The following WDR1 variants were observed in gnomAD, a reference collection of about 807,000 sequenced individuals.
WDR1 encodes the protein WD repeat-containing protein 1.
Under a neutral mutation model 71.9 loss-of-function variants are expected in WDR1, and 21 were observed. The observed-to-expected ratio is 0.29, with a 90% CI of 0.21 to 0.42. WDR1 has a LOEUF of 0.42. Among genes scored for constraint, WDR1 ranks in the 10% least tolerant of loss-of-function variants. The pLI, the probability that WDR1 is intolerant of heterozygous loss-of-function variation, is 1.00. For missense variants in WDR1, 696 were observed against 824.5 expected, an observed-to-expected ratio of 0.84 and a Z score of 1.91; for synonymous variants, 424 against 347.4, an observed-to-expected ratio of 1.22 and a Z score of -2.45.
chr4:10,086,136 C>T (rs188033635), intron 8 of WDR1, among the ~76,000 whole-genome samples: 3 of 152,268 alleles, frequency 2.0e-5, no homozygotes, highest in East Asian at 3.9e-4. Context: ...TGGGCAGTAG[C>T]GAAGCCTTAC....
At chr4:10,099,928 C>A (rs550798117) in intron 3 of WDR1, among the ~76,000 whole-genome samples, 1 of 152,196 alleles carries the variant, frequency 6.6e-6, no homozygotes, top group African/African-American at 2.4e-5. Context: ...AGAAGCAACA[C>A]CGGGGGCCAC....
At chr4:10,103,291 C>CACACACACACACAG in intron 3 of WDR1, among the ~76,000 whole-genome samples, 1 of 6,582 alleles carries the variant, frequency 1.5e-4, no homozygotes, top group African/African-American at 1.1e-3. Context: ...CACACACAGA[C>CACACACACACACAG]ACACACACAC....
chr4:10,083,489 C>T (rs1765093707), intron 9 of WDR1: 3 of 527,828 alleles, frequency 5.7e-6, no homozygotes, highest in Non-Finnish European at 3.7e-6. Context: ...AGGCGCAACC[C>T]TCTAACCCCA....
intron 3 of WDR1, among the ~76,000 whole-genome samples, chr4:10,101,840 T>G (rs188921613): frequency 1.2e-4 from 19 of 152,378 alleles, no homozygotes; most frequent in Non-Finnish European, 2.4e-4. Context: ...TTCGGCTCCA[T>G]GTTAAACATG....
At chr4:10,092,847 C>T (rs1712087462) in intron 5 of WDR1, 2 of 379,232 alleles carry the variant, frequency 5.3e-6, no homozygotes, top group Non-Finnish European at 1.1e-5. Context: ...GGCCCCCTGC[C>T]TCTGCCCCAC....
At chr4:10,079,575 G>A (rs933136511) in intron 11 of WDR1, among the ~76,000 whole-genome samples, 2 of 152,228 alleles carry the variant, frequency 1.3e-5, no homozygotes, top group African/African-American at 4.8e-5. Context: ...AGGCTCTGCA[G>A]CGGGGGCCTT....
intron 9 of WDR1, chr4:10,083,684 C>A: frequency 2.2e-6 from 1 of 464,186 alleles, no homozygotes. Flanking sequence ...CAACGCACAG[C>A]AGGTGCCATC....
At position 10,081,346 on chromosome 4, in the gene WDR1, C is replaced by G; in HGVS notation, c.1284+11G>C. The stretch of plus-strand genomic sequence containing the variant: ...GCAGGCTCCCACCCAAACACTAAGC[C>G]AGGTCCCTACCTGTCCAATGCACAC... On this transcript the variant is annotated intron_variant, in intron 11 of 14. Coordinates refer to ENST00000499869, the MANE Select transcript of WDR1 (RefSeq NM_017491.5). 6.2e-7 allele frequency: 1 copy of G among 1,613,410 alleles called. No individual in the cohort carries two copies. Among genetic ancestry groups the G allele is most frequent in the East Asian group, 2.2e-5 (1 of 44,880 alleles).
At chr4:10,114,593 T>C (rs1314715527) in intron 2 of WDR1, among the ~76,000 whole-genome samples, 1 of 152,246 alleles carries the variant, frequency 6.6e-6, no homozygotes, top group African/African-American at 2.4e-5. Context: ...CTGCTCTGTA[T>C]CCGAGGACGT....
chr4:10,107,756 C>T (rs1478412705), intron 2 of WDR1, among the ~76,000 whole-genome samples: 3 of 152,140 alleles, frequency 2.0e-5, no homozygotes, highest in Non-Finnish European at 4.4e-5. Flanking sequence ...CCTCTGAGGA[C>T]ATGAAGGACA....
rs1003049956 is a variant in WDR1, at chr4:10,116,774, G to T, written c.-108C>A. 1.2e-5 allele frequency: 14 copies of T among 1,216,634 alleles called. No individual in the cohort carries two copies. Among genetic ancestry groups the T allele is most frequent in the Non-Finnish European group, 1.4e-5 (14 of 968,722 alleles). The allele number at this position is 1,216,634 out of a possible 1,614,324, so 75.4% of individuals were successfully genotyped here. ...AGCCCGGGGACTGGAGCCGGAAGGC[G>T]GCACCGGGCGTGCCGGGAGTGGAGT... On this transcript the variant is annotated 5_prime_UTR_variant, in exon 1 of 15. Coordinates refer to ENST00000499869, the MANE Select transcript of WDR1 (RefSeq NM_017491.5).
chr4:10,108,882 C>G (rs898350526), intron 2 of WDR1, among the ~76,000 whole-genome samples: 3 of 152,194 alleles, frequency 2.0e-5, no homozygotes, highest in Non-Finnish European at 4.4e-5. Flanking sequence ...CCCCACTGCC[C>G]TCACTACTTT....
rs767832798 is a variant in WDR1 at position 10,081,378 on chromosome 4, G to T, written c.1263C>A (p.Ala421=). 4.2e-5 allele frequency: 68 copies of T among 1,613,722 alleles called. No individual in the cohort carries two copies. The Middle Eastern group carries it at 4.9e-4, about 12-fold the overall frequency. Residue 421 remains alanine (A), a synonymous_variant, in exon 11 of 15, where the codon GCC becomes GCA. Coordinates refer to ENST00000499869, the MANE Select transcript of WDR1 (RefSeq NM_017491.5). ...KCVAVGPGGY[A]VVVCIGQIVL... is the part of the protein sequence containing the mutation. ...CTACCTGTCCAATGCACACGACCAC[G>T]GCGTATCCCCCGGGGCCGACGGCTA...
At chr4:10,099,729 C>G (rs1290948273) in intron 3 of WDR1, among the ~76,000 whole-genome samples, 1 of 152,252 alleles carries the variant, frequency 6.6e-6, no homozygotes, top group Non-Finnish European at 1.5e-5. Flanking sequence ...GTGCAGCTTC[C>G]CAACAGCGTG....
In WDR1 at chr4:10,075,398, C is replaced by T. The variant is rs775336934; in HGVS notation, c.1801G>A (p.Glu601Lys). The T allele has an allele frequency of 9.3e-6, 15 of 1,613,792 alleles. No individual in the cohort carries two copies. In the Admixed American group the frequency reaches 2.0e-4, roughly 22 times the overall value. The change falls in exon 15 of 15, where the codon GAG (glutamate) becomes AAG (lysine). Residue 601 changes from glutamate (E) to lysine (K), a missense_variant. Coordinates refer to ENST00000499869, the MANE Select transcript of WDR1 (RefSeq NM_017491.5). ...VTTSHDASVK[E>K]WTITY ...GCTCCTCAGTAGGTGATTGTCCACTCCTTGACAGAGGCATCATGGGAGGTC... is the reference window on the plus strand; with the variant it reads ...GCTCCTCAGTAGGTGATTGTCCACTTCTTGACAGAGGCATCATGGGAGGTC...
chr4:10,097,857 A>T lies in WDR1; in HGVS notation c.412T>A (p.Ser138Thr), dbSNP rs1171366732. The T allele has an allele frequency of 1.2e-6, 2 of 1,610,706 alleles. No individual in the cohort carries two copies. Among genetic ancestry groups the T allele is most frequent in the East Asian group, 2.2e-5 (1 of 44,758 alleles). ...TTGTGTCCTGTAATCTCGCCCACAG[A>T]AGAGCCACTATCCCAGAGGAAGACT... is the stretch of plus-strand genomic sequence containing the variant. Reference protein sequence around the residue: ...GAVFLWDSGSSVGEITGHNKV... With the variant: ...GAVFLWDSGSTVGEITGHNKV... The change falls in exon 5 of 15, where the codon TCT becomes ACT. Residue 138 changes from serine to threonine, a missense_variant. Transcript: ENST00000499869.
At chr4:10,102,329 G>C (rs145774797) in intron 3 of WDR1, among the ~76,000 whole-genome samples, 297 of 152,366 alleles carry the variant, frequency 1.9e-3, no homozygotes, top group African/African-American at 6.7e-3. Flanking sequence ...GCCATGGTCT[G>C]AGTGTGACCT....
intron 8 of WDR1, among the ~76,000 whole-genome samples, chr4:10,086,753 G>A (rs1276845963): frequency 6.6e-6 from 1 of 152,212 alleles, no homozygotes; most frequent in Non-Finnish European, 1.5e-5. Context: ...AGCCCGAGAA[G>A]GGCTGCTGGG....
intron 2 of WDR1, among the ~76,000 whole-genome samples, chr4:10,113,767 A>G (rs968789640): frequency 1.8e-4 from 27 of 152,390 alleles, no homozygotes; most frequent in African/African-American, 6.3e-4. Flanking sequence ...AGAAGGATTT[A>G]CTAAAATTAA....
Sources: allele counts gnomAD v4.1 joint callset (sites outside exome capture counted in the v4.1 genomes callset), GRCh38; gene constraint gnomAD v4.1.1; transcripts MANE v1.5; gene names NCBI Gene and HGNC (gene_info 2026-07-23, HGNC 2026-07-21).